Variants in MARCHF1 observed in about 807,000 individuals in gnomAD.
The protein encoded by MARCHF1 is membrane associated ring-CH-type finger 1.
MARCHF1 carries 40 observed loss-of-function variants against 54.2 expected under a neutral mutation model. The observed-to-expected ratio is 0.74, with a 90% CI of 0.57 to 0.96. The LOEUF (loss-of-function observed/expected upper bound fraction) is 0.96, where lower values mean the gene tolerates loss of function less well. Among genes scored for constraint, MARCHF1 ranks in the 40% least tolerant of loss-of-function variants. The pLI is 0.00. For synonymous variants in MARCHF1, 236 were observed against 236.3 expected (o/e 1.00, Z 0.01); for missense variants, 586 against 656.5 (o/e 0.89, Z 1.17).
At chr4:163,972,572 A>T (rs958752554) in intron 3 of MARCHF1, among the ~76,000 whole-genome samples, 2 of 152,016 alleles carry the variant, frequency 1.3e-5, no homozygotes, top group African/African-American at 4.8e-5. Context: ...TTTGAGATGG[A>T]GTCTTGCTCA....
intron 3 of MARCHF1, among the ~76,000 whole-genome samples, chr4:163,918,789 CA>C (rs879392302): frequency 4.5e-4 from 68 of 150,968 alleles, no homozygotes; most frequent in Non-Finnish European, 7.5e-4. Flanking sequence ...CAGTTAGGAG[CA>C]AAAAAAATGC....
chr4:164,182,028 G>GT (rs1261642154), intron 1 of MARCHF1, among the ~76,000 whole-genome samples: 1 of 152,036 alleles, frequency 6.6e-6, no homozygotes, highest in African/African-American at 2.4e-5. Flanking sequence ...CAGGTAAAAG[G>GT]TAATTTTTTC....
chr4:163,546,237 C>T (rs187672932), intron 8 of MARCHF1, among the ~76,000 whole-genome samples: 27 of 152,272 alleles, frequency 1.8e-4, no homozygotes, highest in African/African-American at 6.0e-4. Context: ...CTTGTCCTCC[C>T]AAAGTGCTGG....
chr4:163,726,982 T>C (rs1012199561), intron 4 of MARCHF1, among the ~76,000 whole-genome samples: 2 of 152,220 alleles, frequency 1.3e-5, no homozygotes, highest in South Asian at 2.1e-4. Flanking sequence ...TTACTACTAG[T>C]TATTTATCTT....
intron 1 of MARCHF1, among the ~76,000 whole-genome samples, chr4:164,282,879 C>T (rs1734059827): frequency 6.6e-6 from 1 of 151,152 alleles, no homozygotes; most frequent in Non-Finnish European, 1.5e-5. Context: ...AAACCAATGA[C>T]ATTAGAAGAA....
At chr4:164,107,079 T>G (rs1485396622) in intron 2 of MARCHF1, among the ~76,000 whole-genome samples, 1 of 152,210 alleles carries the variant, frequency 6.6e-6, no homozygotes, top group Non-Finnish European at 1.5e-5. Context: ...CTGCTATCCT[T>G]TCTTTTAGAC....
intron 1 of MARCHF1, among the ~76,000 whole-genome samples, chr4:164,196,325 G>T (rs925742315): frequency 6.6e-6 from 1 of 151,938 alleles, no homozygotes; most frequent in Admixed American, 6.6e-5. Context: ...CAATGATTTT[G>T]CATGATTTAA....
At chr4:164,264,745 C>A (rs936818716) in intron 1 of MARCHF1, among the ~76,000 whole-genome samples, 6 of 151,892 alleles carry the variant, frequency 4.0e-5, no homozygotes, top group African/African-American at 7.3e-5. Flanking sequence ...CATGGTGAAA[C>A]CCCATCTCTA....
intron 7 of MARCHF1, among the ~76,000 whole-genome samples, chr4:163,597,346 CTTAT>C (rs1423634338): frequency 1.3e-5 from 2 of 152,144 alleles, no homozygotes; most frequent in African/African-American, 4.8e-5. Flanking sequence ...ATTACAAAAG[CTTAT>C]TTATTCAGAA....
chr4:164,104,958 T>G (rs1292022449), intron 2 of MARCHF1, among the ~76,000 whole-genome samples: 2 of 59,460 alleles, frequency 3.4e-5, no homozygotes, highest in Admixed American at 1.8e-4. Context: ...ACAAGCATTC[T>G]TATACACCAA....
chr4:164,312,313 CTTTT>C (rs1734872727), intron 1 of MARCHF1, among the ~76,000 whole-genome samples: 4 of 112,124 alleles, frequency 3.6e-5, no homozygotes, highest in East Asian at 5.0e-4. Context: ...GAATTATTTT[CTTTT>C]TCTTTTTTTT....
At chr4:164,245,109 G>A (rs960914855) in intron 1 of MARCHF1, among the ~76,000 whole-genome samples, 1 of 152,114 alleles carries the variant, frequency 6.6e-6, no homozygotes, top group Non-Finnish European at 1.5e-5. Flanking sequence ...CTCATTTTAT[G>A]AGGCCAGCAT....
chr4:163,871,644 A>G (rs1451361633), intron 3 of MARCHF1, among the ~76,000 whole-genome samples: 1 of 152,194 alleles, frequency 6.6e-6, no homozygotes, highest in Non-Finnish European at 1.5e-5. Flanking sequence ...GTTAAAATAT[A>G]TGTATATGAC....
chr4:163,906,842 A>G (rs79297975), intron 3 of MARCHF1, among the ~76,000 whole-genome samples: 1 of 146,394 alleles, frequency 6.8e-6, no homozygotes, highest in African/African-American at 2.5e-5. Context: ...CTCCCCCCCC[A>G]CATAATAACC....
Position 164,257,296 on chromosome 4 carries a change from A to T in MARCHF1, c.-323+126574T>A, listed in dbSNP as rs541251313. Among the ~76,000 whole-genome samples, 215 of 151,942 alleles carry T rather than the reference A, an allele frequency of 1.4e-3. 1 individual carries two copies. The highest frequency in any genetic ancestry group is 1.2e-3 in the Admixed American group (18 of 15,254). On this transcript the variant is annotated intron_variant, in intron 1 of 9. Transcript: ENST00000514618. ...CTGTTTTACCTTTAATTTTATCTTAATTTTTTTTAAAATAATTGGATAATT... is the reference window on the plus strand; with the variant it reads ...CTGTTTTACCTTTAATTTTATCTTATTTTTTTTTAAAATAATTGGATAATT...
At chr4:163,899,909 A>C (rs1369095534) in intron 3 of MARCHF1, among the ~76,000 whole-genome samples, 1 of 151,004 alleles carries the variant, frequency 6.6e-6, no homozygotes, top group African/African-American at 2.4e-5. Context: ...CATTCCACAC[A>C]TGTTGCCAAG....
At chr4:163,615,497 C>A in intron 5 of MARCHF1, among the ~76,000 whole-genome samples, 1 of 151,828 alleles carries the variant, frequency 6.6e-6, no homozygotes, top group Non-Finnish European at 1.5e-5. Flanking sequence ...CAAAAAAACC[C>A]CACTTAGGAA....
intron 4 of MARCHF1, among the ~76,000 whole-genome samples, chr4:163,830,983 T>C (rs1749003887): frequency 6.6e-6 from 1 of 152,108 alleles, no homozygotes; most frequent in African/African-American, 2.4e-5. Flanking sequence ...TTTGGTAGTA[T>C]TGGTGGGGGC....
At chr4:164,280,775 C>T (rs1279917603) in intron 1 of MARCHF1, among the ~76,000 whole-genome samples, 1 of 151,964 alleles carries the variant, frequency 6.6e-6, no homozygotes, top group Non-Finnish European at 1.5e-5. Context: ...TATTAAGTGG[C>T]TATATAGTGA....
Sources: allele counts gnomAD v4.1 joint callset (sites outside exome capture counted in the v4.1 genomes callset), GRCh38; gene constraint gnomAD v4.1.1; transcripts MANE v1.5; gene names NCBI Gene and HGNC (gene_info 2026-07-23, HGNC 2026-07-21).